Variants in PSD3 observed in about 807,000 individuals in gnomAD.
PSD3 encodes the protein PH and SEC7 domain-containing protein 3.
In PSD3, 49 loss-of-function variants were observed where a neutral mutation model predicts 105.5. The ratio of observed to expected loss-of-function variants is 0.46; its 90% CI spans 0.37 to 0.59. The LOEUF is 0.59. Ranked by LOEUF, PSD3 falls within the 20% of genes least tolerant of loss-of-function variation. The pLI, the probability that PSD3 is intolerant of heterozygous loss-of-function variation, is 0.00. For synonymous variants in PSD3, 557 were observed against 457.8 expected (o/e 1.22, Z -2.77); for missense variants, 1,561 against 1,263.8 (o/e 1.24, Z -3.57).
intron 9 of PSD3, among the ~76,000 whole-genome samples, chr8:18,744,927 TG>T (rs1244724168): frequency 6.6e-6 from 1 of 152,204 alleles, no homozygotes; most frequent in African/African-American, 2.4e-5. Flanking sequence ...CAAAAGAAGA[TG>T]GGCCAGTTAT....
chr8:18,552,798 C>T lies in PSD3; in HGVS notation c.2928+3411G>A, dbSNP rs149970113. On this transcript the variant is annotated intron_variant, in intron 15 of 15. Transcript: ENST00000327040. Reference sequence around the variant, plus strand: ...TTTAGAAGTAAGATTAGATTCCAAACCACAGCTTGGAGGTTACCAATTCAG... The same window carrying T: ...TTTAGAAGTAAGATTAGATTCCAAATCACAGCTTGGAGGTTACCAATTCAG... Among the ~76,000 whole-genome samples the T allele has an allele frequency of 1.1e-3, 166 of 152,292 alleles. 1 individual carries two copies. Among genetic ancestry groups the T allele is most frequent in the African/African-American group, 3.9e-3 (163 of 41,558 alleles).
At chr8:18,637,924 G>A (rs1046982096) in intron 10 of PSD3, among the ~76,000 whole-genome samples, 3 of 152,040 alleles carry the variant, frequency 2.0e-5, no homozygotes, top group Non-Finnish European at 4.4e-5. Context: ...TTGGGAGGCC[G>A]AGGCAGGTAG....
chr8:18,752,551 TATAATTA>T (rs1805627537), intron 9 of PSD3, among the ~76,000 whole-genome samples: 3 of 10,448 alleles, frequency 2.9e-4, no homozygotes, highest in Non-Finnish European at 7.8e-4. Flanking sequence ...ATATATTATA[TATAATTA>T]TATATATTAT....
In PSD3 at chr8:19,013,703, C is replaced by T. The variant is rs1182186491; in HGVS notation, c.-120G>A. On this transcript the variant is annotated 5_prime_UTR_variant, in exon 1 of 16. Transcript: ENST00000327040. ...CTCTTTGTTGAGCTCCCGGGACTGC[C>T]GAGAGGCGGCGGCCCGCGCGCACCC... 10 of 886,196 alleles carry T rather than the reference C, an allele frequency of 1.1e-5. No homozygotes were observed. The highest frequency in any genetic ancestry group is 1.4e-5 in the Non-Finnish European group (10 of 697,372). 54.9% of individuals were successfully genotyped at this position (886,196 alleles called of 1,614,324 possible). A position where few individuals can be genotyped will look rare whatever the true frequency, so the allele number is the denominator to read the frequency against.
intron 14 of PSD3, 48 bp downstream of exon 14, chr8:18,572,480 T>A: frequency 6.3e-7 from 1 of 1,585,624 alleles, no homozygotes; most frequent in Non-Finnish European, 8.6e-7. Flanking sequence ...ATCACATTAT[T>A]TTACAAAGTA....
intron 1 of PSD3, among the ~76,000 whole-genome samples, chr8:19,072,865 T>A (rs1485409822): frequency 6.6e-6 from 1 of 152,198 alleles, no homozygotes; most frequent in Non-Finnish European, 1.5e-5. Flanking sequence ...TGTGCTGAGT[T>A]CATGTGGAAG....
At chr8:18,624,841 T>C (rs975485297) in intron 11 of PSD3, among the ~76,000 whole-genome samples, 3 of 152,102 alleles carry the variant, frequency 2.0e-5, no homozygotes, top group Admixed American at 6.6e-5. Context: ...GTCTTTACTT[T>C]TAGTGTAATT....
At chr8:18,572,069 C>T (rs1802176359) in intron 14 of PSD3, among the ~76,000 whole-genome samples, 1 of 152,316 alleles carries the variant, frequency 6.6e-6, no homozygotes, top group Admixed American at 6.5e-5. Flanking sequence ...TTCAGCTCTG[C>T]TCTGAGGGGT....
intron 9 of PSD3, among the ~76,000 whole-genome samples, chr8:18,737,872 C>G (rs1804270972): frequency 6.6e-6 from 1 of 152,078 alleles, no homozygotes; most frequent in African/African-American, 2.4e-5. Flanking sequence ...GCCTGATTTC[C>G]TATTGTTTTT....
chr8:18,627,656 C>G (rs1300083111), intron 11 of PSD3, among the ~76,000 whole-genome samples: 1 of 151,976 alleles, frequency 6.6e-6, no homozygotes, highest in Non-Finnish European at 1.5e-5. Context: ...AGGCAAGCGT[C>G]TAAAGAATTC....
Position 18,709,374 on chromosome 8 carries a change from C to T in PSD3, c.2173-53689G>A, listed in dbSNP as rs577882767. On this transcript the variant is annotated intron_variant, in intron 9 of 15. Transcript: ENST00000327040. ...GGGATGGAGCCCCTGACGGGAGGGG[C>T]GGCCACTGTCTCTGGTTCAGCAGAT... Among the ~76,000 whole-genome samples, 468 of 152,284 alleles carry T rather than the reference C, an allele frequency of 3.1e-3. 3 individuals carry two copies. Among genetic ancestry groups the T allele is most frequent in the African/African-American group, 0.011 (442 of 41,554 alleles).
chr8:18,901,906 T>C (rs544797716), intron 2 of PSD3, among the ~76,000 whole-genome samples: 1 of 152,352 alleles, frequency 6.6e-6, no homozygotes, highest in South Asian at 2.1e-4. Context: ...ATTAGTCTAA[T>C]GGAGAGTCCC....
Position 18,923,574 on chromosome 8 carries a change from A to T in PSD3, c.130+12460T>A, listed in dbSNP as rs1460164703. Among the ~76,000 whole-genome samples, 3 of 152,302 alleles carry T rather than the reference A, an allele frequency of 2.0e-5. No individual in the cohort carries two copies. In the East Asian group the frequency reaches 5.8e-4, roughly 29 times the overall value. ...AGACATACAAAGACCACTGTGTTAC[A>T]ATTGCCCACAGTATTCAATACAGTA... On this transcript the variant is annotated intron_variant, in intron 2 of 15. Coordinates refer to ENST00000327040, the MANE Select transcript of PSD3 (RefSeq NM_015310.4).
At chr8:18,876,436 G>C (rs943087608) in intron 2 of PSD3, among the ~76,000 whole-genome samples, 2 of 152,060 alleles carry the variant, frequency 1.3e-5, no homozygotes, top group African/African-American at 4.8e-5. Flanking sequence ...ACCCAGGCTG[G>C]AGTGCAGTGG....
At chr8:18,729,163 C>T (rs946939728) in intron 9 of PSD3, among the ~76,000 whole-genome samples, 2 of 152,168 alleles carry the variant, frequency 1.3e-5, no homozygotes, top group Admixed American at 1.3e-4. Flanking sequence ...CCTTATGTCC[C>T]TTTCAATTTT....
At chr8:18,641,181 A>G (rs562539063) in intron 10 of PSD3, among the ~76,000 whole-genome samples, 2 of 152,290 alleles carry the variant, frequency 1.3e-5, no homozygotes, top group Admixed American at 1.3e-4. Flanking sequence ...TTGTACTGGC[A>G]ATCATTACCA....
chr8:18,630,584 C>G (rs923110719), intron 11 of PSD3, among the ~76,000 whole-genome samples: 1 of 151,934 alleles, frequency 6.6e-6, no homozygotes, highest in Admixed American at 6.6e-5. Context: ...ACCTGTCTAG[C>G]AGGAAGTAGT....
intron 15 of PSD3, among the ~76,000 whole-genome samples, chr8:18,540,375 G>T (rs147075185): frequency 1.1e-4 from 17 of 152,270 alleles, no homozygotes; most frequent in South Asian, 2.1e-4. Flanking sequence ...CTCTGGAACT[G>T]AACCTGCAGT....
intron 9 of PSD3, among the ~76,000 whole-genome samples, chr8:18,726,372 A>G (rs1803335050): frequency 6.6e-6 from 1 of 152,236 alleles, no homozygotes; most frequent in African/African-American, 2.4e-5. Context: ...TCTTCCACAT[A>G]CAGAAAAGGA....
Sources: gnomAD v4.1 joint callset for allele counts (sites outside exome capture counted in the v4.1 genomes callset) on GRCh38, gnomAD v4.1.1 for gene constraint, MANE v1.5 for transcripts, NCBI Gene and HGNC (gene_info 2026-07-23, HGNC 2026-07-21) for gene names.